GABRB2: variants seen among roughly 807,000 people sequenced by gnomAD.
The protein encoded by GABRB2 is gamma-aminobutyric acid type A receptor subunit beta2.
Under a neutral mutation model 54.7 loss-of-function variants are expected in GABRB2, and 16 were observed. That is an observed-to-expected ratio of 0.29 (90% CI 0.20 to 0.44). The LOEUF (loss-of-function observed/expected upper bound fraction) is 0.44, where lower values mean the gene tolerates loss of function less well. Among genes scored for constraint, GABRB2 ranks in the 20% least tolerant of loss-of-function variants. GABRB2 has a pLI of 1.00. For missense variants in GABRB2, 355 were observed against 644.0 expected (o/e 0.55, Z 4.86); for synonymous variants, 244 against 233.8 (o/e 1.04, Z -0.40).
At chr5:161,439,289 T>G (rs1370978693) in intron 4 of GABRB2, among the ~76,000 whole-genome samples, 1 of 152,194 alleles carries the variant, frequency 6.6e-6, no homozygotes, top group African/African-American at 2.4e-5. Context: ...GCTAAAATTG[T>G]GTATCCAATG....
At chr5:161,468,238 G>C (rs1758333914) in intron 3 of GABRB2, among the ~76,000 whole-genome samples, 1 of 152,018 alleles carries the variant, frequency 6.6e-6, no homozygotes, top group African/African-American at 2.4e-5. Context: ...ATTGCACTTA[G>C]AATAAAATCC....
intron 9 of GABRB2, among the ~76,000 whole-genome samples, chr5:161,323,484 A>G (rs1044312930): frequency 6.6e-6 from 1 of 150,870 alleles, no homozygotes; most frequent in Non-Finnish European, 1.5e-5. Context: ...TTTTCCCTTT[A>G]TGTTCACTTA....
chr5:161,359,137 C>T (rs1754727944), intron 5 of GABRB2, among the ~76,000 whole-genome samples: 1 of 151,848 alleles, frequency 6.6e-6, no homozygotes, highest in Non-Finnish European at 1.5e-5. Context: ...GGGGAAAAAA[C>T]AAAAAACCCC....
At chr5:161,390,223 C>A (rs1269631081) in intron 5 of GABRB2, among the ~76,000 whole-genome samples, 3 of 151,990 alleles carry the variant, frequency 2.0e-5, no homozygotes, top group African/African-American at 7.2e-5. Context: ...GTCATCTCTG[C>A]TGAATTTTGT....
rs528779532 is a variant in GABRB2, at chr5:161,545,422, C to A, written c.170-128G>T. On this transcript the variant is annotated intron_variant, in intron 2 of 9. Coordinates refer to ENST00000393959, the MANE Select transcript of GABRB2 (RefSeq NM_001371727.1). Reference sequence around the variant, plus strand: ...CTACTCAATCTCAAATTTTTCAATTCTCTGCTTTTTTTGTTAAAAAAAAAA... The same window carrying A: ...CTACTCAATCTCAAATTTTTCAATTATCTGCTTTTTTTGTTAAAAAAAAAA... 44 of 393,866 alleles carry A rather than the reference C, an allele frequency of 1.1e-4. No individual in the cohort carries two copies. In the South Asian group the frequency reaches 2.9e-3, roughly 26 times the overall value. 24.4% of individuals were successfully genotyped at this position (393,866 alleles called of 1,614,324 possible). A position where few individuals can be genotyped will look rare whatever the true frequency, so the allele number is the denominator to read the frequency against.
intron 9 of GABRB2, among the ~76,000 whole-genome samples, chr5:161,299,509 C>A (rs534042942): frequency 6.6e-6 from 1 of 152,192 alleles, no homozygotes; most frequent in Non-Finnish European, 1.5e-5. Context: ...GAAGCCAACA[C>A]TAAAATGAAG....
chr5:161,457,404 A>G (rs1307100631), intron 4 of GABRB2, among the ~76,000 whole-genome samples: 2 of 151,450 alleles, frequency 1.3e-5, no homozygotes, highest in Non-Finnish European at 2.9e-5. Context: ...AAAGAAGCCA[A>G]TTTATCATCT....
At chr5:161,307,456 T>C (rs1230370023) in intron 9 of GABRB2, among the ~76,000 whole-genome samples, 1 of 152,088 alleles carries the variant, frequency 6.6e-6, no homozygotes, top group Non-Finnish European at 1.5e-5. Context: ...CCAGTGTAGA[T>C]AAGACCATTT....
intron 3 of GABRB2, among the ~76,000 whole-genome samples, chr5:161,529,101 C>A (rs1203444107): frequency 1.3e-5 from 2 of 151,776 alleles, no homozygotes; most frequent in African/African-American, 4.8e-5. Context: ...GCAAGAATTG[C>A]ATTGATTCTC....
intron 9 of GABRB2, among the ~76,000 whole-genome samples, chr5:161,309,301 A>C (rs1757790199): frequency 6.6e-6 from 1 of 152,230 alleles, no homozygotes; most frequent in Non-Finnish European, 1.5e-5. Context: ...TCAAAACCAC[A>C]ATGAGATACC....
intron 5 of GABRB2, among the ~76,000 whole-genome samples, chr5:161,407,008 A>G (rs974972551): frequency 6.6e-6 from 1 of 152,104 alleles, no homozygotes; most frequent in African/African-American, 2.4e-5. Flanking sequence ...AGTCCAACTT[A>G]CTCAGAGATA....
intron 5 of GABRB2, among the ~76,000 whole-genome samples, chr5:161,375,549 C>T (rs924806392): frequency 6.6e-6 from 1 of 152,112 alleles, no homozygotes; most frequent in African/African-American, 2.4e-5. Context: ...AACAATCCAC[C>T]TCATCCCATA....
At chr5:161,539,694 A>G (rs1323232277) in intron 3 of GABRB2, among the ~76,000 whole-genome samples, 1 of 152,180 alleles carries the variant, frequency 6.6e-6, no homozygotes, top group Admixed American at 6.5e-5. Context: ...ATAGACGACC[A>G]ATAAACTTAC....
At chr5:161,521,570 G>A (rs1159625704) in intron 3 of GABRB2, among the ~76,000 whole-genome samples, 1 of 151,886 alleles carries the variant, frequency 6.6e-6, no homozygotes, top group Admixed American at 6.6e-5. Context: ...GAAACGGTGG[G>A]AAAATCAAAT....
chr5:161,370,010 G>A (rs1755086674), intron 5 of GABRB2, among the ~76,000 whole-genome samples: 5 of 152,036 alleles, frequency 3.3e-5, no homozygotes. Context: ...GAATCTCTGG[G>A]TAAGATCTAA....
intron 3 of GABRB2, among the ~76,000 whole-genome samples, chr5:161,493,390 T>C (rs1490022954): frequency 1.3e-5 from 2 of 151,642 alleles, no homozygotes; most frequent in Non-Finnish European, 3.0e-5. Context: ...GAGAGAAAAA[T>C]CTTCTAATTT....
At chr5:161,493,967 G>A (rs1759152122) in intron 3 of GABRB2, among the ~76,000 whole-genome samples, 1 of 151,670 alleles carries the variant, frequency 6.6e-6, no homozygotes. Flanking sequence ...GCTTGATTTA[G>A]TGATTCCACA....
chr5:161,420,667 G>A lies in GABRB2; in HGVS notation c.459-9610C>T, dbSNP rs1025363079. On this transcript the variant is annotated intron_variant, in intron 4 of 9. Coordinates refer to ENST00000393959, the MANE Select transcript of GABRB2 (RefSeq NM_001371727.1). ...TCTCCTTCAGAAATGGAAGGCTGCAGAGCGGGTGGCAACCTGGGGATTCTA... is the reference window on the plus strand; with the variant it reads ...TCTCCTTCAGAAATGGAAGGCTGCAAAGCGGGTGGCAACCTGGGGATTCTA... 9.3e-4 allele frequency among the ~76,000 whole-genome samples: 142 copies of A among 152,348 alleles called. 1 individual carries two copies. Among genetic ancestry groups the A allele is most frequent in the Non-Finnish European group, 2.9e-5 (2 of 68,032 alleles).
chr5:161,420,881 C>T (rs1756827348), intron 4 of GABRB2, among the ~76,000 whole-genome samples: 1 of 152,146 alleles, frequency 6.6e-6, no homozygotes, highest in Non-Finnish European at 1.5e-5. Context: ...AATTAGAACT[C>T]TTCCATTCCT....
Sources: allele counts gnomAD v4.1 joint callset (sites outside exome capture counted in the v4.1 genomes callset), GRCh38; gene constraint gnomAD v4.1.1; transcripts MANE v1.5; gene names NCBI Gene and HGNC (gene_info 2026-07-23, HGNC 2026-07-21).